The following TRIO variants were observed in gnomAD, a reference collection of about 807,000 sequenced individuals.
TRIO encodes triple functional domain protein.
In TRIO, 58 loss-of-function variants were observed where a neutral mutation model predicts 351.9. The observed-to-expected ratio is 0.16, with a 90% CI of 0.13 to 0.21. The LOEUF is 0.21. Ranked by LOEUF, TRIO falls within the 10% of genes least tolerant of loss-of-function variation. TRIO has a pLI of 1.00. For missense variants in TRIO, 3,201 were observed against 4,027.8 expected, an observed-to-expected ratio of 0.79 and a Z score of 5.56; for synonymous variants, 1,758 against 1,595.7, an observed-to-expected ratio of 1.10 and a Z score of -2.42.
intron 28 of TRIO, among the ~76,000 whole-genome samples, chr5:14,394,847 T>C (rs573554013): frequency 1.3e-5 from 2 of 152,288 alleles, no homozygotes; most frequent in South Asian, 4.2e-4. Context: ...AAAATGTATT[T>C]TATTTTTATA....
chr5:14,150,947 CT>C (rs1327483119), intron 1 of TRIO, among the ~76,000 whole-genome samples: 1 of 152,234 alleles, frequency 6.6e-6, no homozygotes, highest in East Asian at 1.9e-4. Context: ...TCAAATCTGA[CT>C]TACAATAATC....
chr5:14,270,668 A>C (rs144065586), intron 1 of TRIO, among the ~76,000 whole-genome samples, 157 bp from the exon 2 acceptor site: 1 of 152,348 alleles, frequency 6.6e-6, no homozygotes, highest in Non-Finnish European at 1.5e-5. Context: ...TTTTGTGATC[A>C]CAGACATGGA....
chr5:14,179,161 C>T (rs1789595377), intron 1 of TRIO, among the ~76,000 whole-genome samples: 2 of 152,144 alleles, frequency 1.3e-5, no homozygotes, highest in South Asian at 2.1e-4. Context: ...GTCGGTGTCC[C>T]GTCCTGCCAC....
intron 1 of TRIO, among the ~76,000 whole-genome samples, chr5:14,166,862 A>G (rs1788798004): frequency 6.6e-6 from 1 of 152,180 alleles, no homozygotes; most frequent in South Asian, 2.1e-4. Flanking sequence ...TCTGTGGAAT[A>G]TGGGCATAGG....
intron 1 of TRIO, among the ~76,000 whole-genome samples, chr5:14,267,231 G>C (rs1795736116): frequency 6.6e-6 from 1 of 151,858 alleles, no homozygotes; most frequent in Non-Finnish European, 1.5e-5. Flanking sequence ...TCTCTTTGTG[G>C]CACCCCCTTC....
chr5:14,393,322 C>G (rs1747274029), intron 27 of TRIO, among the ~76,000 whole-genome samples: 1 of 152,100 alleles, frequency 6.6e-6, no homozygotes, highest in Admixed American at 6.5e-5. Context: ...CAGCAAACCA[C>G]CATGGCACAT....
At chr5:14,479,861 A>G (rs1399782098) in intron 42 of TRIO, 58 bp from the exon 43 acceptor site, 6 of 1,521,252 alleles carry the variant, frequency 3.9e-6, no homozygotes, top group African/African-American at 1.4e-5. Flanking sequence ...TACAAAGACT[A>G]AAAAATTGCC....
chr5:14,220,947 C>T (rs1489228125), intron 1 of TRIO, among the ~76,000 whole-genome samples: 1 of 152,226 alleles, frequency 6.6e-6, no homozygotes, highest in Non-Finnish European at 1.5e-5. Context: ...GAAGAAGATG[C>T]CATCTAGGAC....
intron 1 of TRIO, among the ~76,000 whole-genome samples, chr5:14,192,425 T>C (rs1725681016): frequency 6.6e-6 from 1 of 152,080 alleles, no homozygotes; most frequent in African/African-American, 2.4e-5. Context: ...CTGTAGTGGA[T>C]GCACGCCCAG....
At chr5:14,246,070 C>G (rs1233801793) in intron 1 of TRIO, among the ~76,000 whole-genome samples, 1 of 152,186 alleles carries the variant, frequency 6.6e-6, no homozygotes, top group African/African-American at 2.4e-5. Flanking sequence ...TTACTTAAAT[C>G]CCTGATAAAT....
In TRIO at chr5:14,468,579, C is replaced by G. The variant is rs116409511; in HGVS notation, c.5764-2739C>G. Among the ~76,000 whole-genome samples, 1,439 of 152,358 alleles carry G rather than the reference C, an allele frequency of 9.4e-3. 23 individuals carry two copies. The highest frequency in any genetic ancestry group is 0.033 in the African/African-American group (1,376 of 41,574). On this transcript the variant is annotated intron_variant, in intron 37 of 56. Coordinates refer to ENST00000344204, the MANE Select transcript of TRIO (RefSeq NM_007118.4). Reference sequence around the variant, plus strand: ...AGAAGCATCACCCTGTGTTGGTTTCCTGTCACTAATGCTCTAACGTCACAT... The same window carrying G: ...AGAAGCATCACCCTGTGTTGGTTTCGTGTCACTAATGCTCTAACGTCACAT...
chr5:14,181,479 C>A (rs547301551), intron 1 of TRIO, among the ~76,000 whole-genome samples: 1 of 152,316 alleles, frequency 6.6e-6, no homozygotes, highest in African/African-American at 2.4e-5. Context: ...CTGTGGCCTG[C>A]CCAATCTCAG....
intron 34 of TRIO, among the ~76,000 whole-genome samples, chr5:14,442,028 G>A (rs538081026): frequency 5.3e-4 from 80 of 152,330 alleles, no homozygotes; most frequent in African/African-American, 1.9e-3. Flanking sequence ...AAGGTGAGGG[G>A]AGTTGGGTCT....
At chr5:14,432,846 T>A (rs747179829) in intron 34 of TRIO, among the ~76,000 whole-genome samples, 2 of 152,190 alleles carry the variant, frequency 1.3e-5, no homozygotes, top group African/African-American at 2.4e-5. Flanking sequence ...TTGCTCTTCC[T>A]TAAAGGAGCT....
At chr5:14,354,450 A>G (rs1468048815) in intron 11 of TRIO, among the ~76,000 whole-genome samples, 1 of 152,168 alleles carries the variant, frequency 6.6e-6, no homozygotes, top group Non-Finnish European at 1.5e-5. Flanking sequence ...CTGGTTTCTC[A>G]GTGCCCAGAA....
chr5:14,205,333 G>T (rs1791388596), intron 1 of TRIO, among the ~76,000 whole-genome samples: 1 of 152,294 alleles, frequency 6.6e-6, no homozygotes, highest in South Asian at 2.1e-4. Context: ...AAGAACAAAG[G>T]ATAAAATAAT....
chr5:14,194,513 T>C (rs553284288), intron 1 of TRIO, among the ~76,000 whole-genome samples: 3 of 152,338 alleles, frequency 2.0e-5, no homozygotes, highest in South Asian at 2.1e-4. Context: ...GGTTGCTGGA[T>C]ATCTCTAGAT....
In TRIO at chr5:14,269,017, C is replaced by G. The variant is rs16903346; in HGVS notation, c.158-1808C>G. 9.6e-3 allele frequency among the ~76,000 whole-genome samples: 1,455 copies of G among 152,262 alleles called. 27 individuals carry two copies. The highest frequency in any genetic ancestry group is 0.033 in the African/African-American group (1,384 of 41,554). On this transcript the variant is annotated intron_variant, in intron 1 of 56. Transcript: ENST00000344204. ...ATGTTTTGCCTTTTATAAATAGCCACTGTTTTCAAAGCTTGGTGGGTTGCC... is the reference window on the plus strand; with the variant it reads ...ATGTTTTGCCTTTTATAAATAGCCAGTGTTTTCAAAGCTTGGTGGGTTGCC...
chr5:14,398,501 A>G (rs1479982628), intron 29 of TRIO, among the ~76,000 whole-genome samples: 1 of 152,032 alleles, frequency 6.6e-6, no homozygotes, highest in East Asian at 1.9e-4. Context: ...GTGGGGGCTT[A>G]GAGGAGAGTC....
Sources: gnomAD v4.1 joint callset for allele counts (sites outside exome capture counted in the v4.1 genomes callset) on GRCh38, gnomAD v4.1.1 for gene constraint, MANE v1.5 for transcripts, NCBI Gene and HGNC (gene_info 2026-07-23, HGNC 2026-07-21) for gene names.